Variants in ZFYVE9 observed in about 807,000 individuals in gnomAD.
ZFYVE9 encodes zinc finger FYVE-type containing 9.
Under a neutral mutation model 126.7 loss-of-function variants are expected in ZFYVE9, and 43 were observed. The observed-to-expected ratio is 0.34, with a 90% confidence interval of 0.27 to 0.44. The LOEUF (loss-of-function observed/expected upper bound fraction) is 0.44. Ranked by LOEUF, ZFYVE9 falls within the 20% of genes least tolerant of loss-of-function variation. The probability of loss-of-function intolerance (pLI) is 1.00; values close to 1 mark genes in which losing one functional copy is unlikely to be tolerated. For synonymous variants in ZFYVE9, 521 were observed against 597.4 expected (o/e 0.87, Z 1.87); for missense variants, 1,476 against 1,697.0 (o/e 0.87, Z 2.29).
chr1:52,309,114 G>T lies in ZFYVE9; in HGVS notation c.3438+5189G>T, dbSNP rs544779228. Among the ~76,000 whole-genome samples the T allele has an allele frequency of 4.7e-4, 71 of 152,298 alleles. 1 individual carries two copies. Among genetic ancestry groups the T allele is most frequent in the African/African-American group, 1.6e-3 (66 of 41,564 alleles). Reference sequence around the variant, plus strand: ...AACACATTGCATGTAGGAGATGTTCGTAAATGTTCACCAAATAACTAGATG... The same window carrying T: ...AACACATTGCATGTAGGAGATGTTCTTAAATGTTCACCAAATAACTAGATG... On this transcript the variant is annotated intron_variant, in intron 13 of 18. Transcript: ENST00000287727.
At chr1:52,278,121 C>T (rs115340948) in intron 8 of ZFYVE9, among the ~76,000 whole-genome samples, 1,877 of 152,028 alleles carry the variant, frequency 0.012, 34 homozygotes, top group African/African-American at 0.043. Context: ...TTATCACTTT[C>T]TTGTATATCA....
intron 13 of ZFYVE9, among the ~76,000 whole-genome samples, chr1:52,319,564 C>T (rs554742199): frequency 6.6e-6 from 1 of 151,482 alleles, no homozygotes; most frequent in East Asian, 1.9e-4. Context: ...GTGGAGGTTA[C>T]AGTGAGCCGA....
intron 10 of ZFYVE9, among the ~76,000 whole-genome samples, chr1:52,285,635 G>C (rs1258327151): frequency 1.3e-5 from 2 of 152,168 alleles, no homozygotes; most frequent in Non-Finnish European, 2.9e-5. Flanking sequence ...AGATGGGACA[G>C]TCTAGTTGCA....
At chr1:52,172,443 C>T (rs1417851424) in intron 1 of ZFYVE9, among the ~76,000 whole-genome samples, 1 of 152,156 alleles carries the variant, frequency 6.6e-6, no homozygotes, top group African/African-American at 2.4e-5. Context: ...ATGATGCCTC[C>T]AGCTTTGTTC....
chr1:52,311,754 T>C (rs1646138992), intron 13 of ZFYVE9, among the ~76,000 whole-genome samples: 1 of 152,172 alleles, frequency 6.6e-6, no homozygotes, highest in South Asian at 2.1e-4. Flanking sequence ...ATTTTTATCA[T>C]TCAGATTAAT....
intron 10 of ZFYVE9, 54 bp from the exon 11 acceptor site, chr1:52,293,395 AAAAG>A (rs1553133180): frequency 5.3e-6 from 7 of 1,318,962 alleles, no homozygotes; most frequent in African/African-American, 4.8e-5. Context: ...AAAAAAAAAA[AAAAG>A]AAATATGATT....
At chr1:52,158,368 G>T (rs1451466459) in intron 1 of ZFYVE9, among the ~76,000 whole-genome samples, 1 of 152,206 alleles carries the variant, frequency 6.6e-6, no homozygotes, top group Non-Finnish European at 1.5e-5. Flanking sequence ...ATCTAGGAAT[G>T]CAGATAGGGA....
At chr1:52,299,062 CCTCCTAAAGTG>C (rs1646007693) in intron 12 of ZFYVE9, among the ~76,000 whole-genome samples, 2 of 152,248 alleles carry the variant, frequency 1.3e-5, no homozygotes, top group Non-Finnish European at 2.9e-5. Context: ...CCCGCCTCTG[CCTCCTAAAGTG>C]CTGGGATTAC....
At chr1:52,205,414 C>T (rs938806240) in intron 1 of ZFYVE9, among the ~76,000 whole-genome samples, 8 of 151,798 alleles carry the variant, frequency 5.3e-5, no homozygotes, top group African/African-American at 9.7e-5. Context: ...ACTCTGTTGC[C>T]GAGTCTGGAG....
intron 13 of ZFYVE9, 87 bp from the exon 14 acceptor site, chr1:52,332,681 G>A (rs1387854615): frequency 9.5e-6 from 14 of 1,479,720 alleles, no homozygotes; most frequent in Non-Finnish European, 1.3e-5. Flanking sequence ...TATTCTGTTA[G>A]TTTTGTTTTT....
intron 1 of ZFYVE9, among the ~76,000 whole-genome samples, chr1:52,202,785 A>G (rs1644936226): frequency 1.3e-5 from 2 of 151,890 alleles, no homozygotes; most frequent in Admixed American, 6.6e-5. Context: ...TCCCAGGTTC[A>G]AGCAATTCTC....
intron 10 of ZFYVE9, among the ~76,000 whole-genome samples, chr1:52,285,761 G>A (rs561742575): frequency 1.2e-4 from 19 of 152,252 alleles, no homozygotes; most frequent in African/African-American, 4.3e-4. Context: ...TAATGCGCTT[G>A]AATCATCCTG....
intron 12 of ZFYVE9, among the ~76,000 whole-genome samples, chr1:52,302,102 T>C (rs573959765): frequency 5.8e-4 from 89 of 152,330 alleles, no homozygotes; most frequent in African/African-American, 2.1e-3. Context: ...CTTTAGTAAT[T>C]CTAACTTCTT....
rs546183372 is a variant in ZFYVE9, at chr1:52,294,415, A to G, written c.3250+738A>G. On this transcript the variant is annotated intron_variant, in intron 11 of 18. Coordinates refer to ENST00000287727, the MANE Select transcript of ZFYVE9 (RefSeq NM_004799.4). ...TAAATGAAACATAATTTTATAAACC[A>G]TAAAACAGTTTATGTTCTCAGCAAG... is the stretch of plus-strand genomic sequence containing the variant. Among the ~76,000 whole-genome samples, 8 of 152,356 alleles carry G rather than the reference A, an allele frequency of 5.3e-5. No individual in the cohort carries two copies. In the South Asian group the frequency reaches 1.7e-3, roughly 32 times the overall value.
intron 14 of ZFYVE9, 120 bp from the exon 15 acceptor site, chr1:52,334,568 T>G (rs1569778239): frequency 2.0e-6 from 2 of 990,160 alleles, no homozygotes; most frequent in East Asian, 5.2e-5. Flanking sequence ...ATAGATTTGA[T>G]TTTTTAAAAT....
intron 1 of ZFYVE9, among the ~76,000 whole-genome samples, chr1:52,145,104 A>G (rs1413162970): frequency 6.6e-6 from 1 of 152,210 alleles, no homozygotes; most frequent in East Asian, 1.9e-4. Context: ...TCTCTGTTTA[A>G]GGCTTCTGTG....
chr1:52,343,072 A>C (rs1646453401), intron 17 of ZFYVE9, among the ~76,000 whole-genome samples: 1 of 151,352 alleles, frequency 6.6e-6, no homozygotes, highest in Non-Finnish European at 1.5e-5. Context: ...ACGCCCGGCT[A>C]ATTTTTTTTG....
At chr1:52,299,937 G>A (rs568327060) in intron 12 of ZFYVE9, among the ~76,000 whole-genome samples, 1 of 152,370 alleles carries the variant, frequency 6.6e-6, no homozygotes, top group East Asian at 1.9e-4. Context: ...ACTGGATTCA[G>A]GGTTTGTGAG....
At chr1:52,342,605 G>A (rs930205457) in intron 17 of ZFYVE9, among the ~76,000 whole-genome samples, 2 of 150,262 alleles carry the variant, frequency 1.3e-5, no homozygotes, top group South Asian at 2.1e-4. Flanking sequence ...GTGCAATCTC[G>A]GCTGACTGCA....
Sources: gnomAD v4.1 joint callset for allele counts (sites outside exome capture counted in the v4.1 genomes callset) on GRCh38, gnomAD v4.1.1 for gene constraint, MANE v1.5 for transcripts, NCBI Gene and HGNC (gene_info 2026-07-23, HGNC 2026-07-21) for gene names.